Variants in H2AZ2 observed in about 807,000 individuals in gnomAD.
The protein encoded by H2AZ2 is histone H2A.V.
Under a neutral mutation model 15.5 loss-of-function variants are expected in H2AZ2, and 5 were observed. The observed-to-expected ratio is 0.32, with a 90% CI of 0.17 to 0.68. The LOEUF is 0.68. Ranked by LOEUF, H2AZ2 falls within the 30% of genes least tolerant of loss-of-function variation. The probability of loss-of-function intolerance (pLI) is 0.72; values close to 1 mark genes in which losing one functional copy is unlikely to be tolerated. For missense variants in H2AZ2, 42 were observed against 162.5 expected, an observed-to-expected ratio of 0.26 and a Z score of 4.03; for synonymous variants, 44 against 57.4, an observed-to-expected ratio of 0.77 and a Z score of 1.05.
chr7:44,838,207 T>G (rs936168908), intron 3 of H2AZ2, among the ~76,000 whole-genome samples: 3 of 151,668 alleles, frequency 2.0e-5, no homozygotes, highest in Non-Finnish European at 2.9e-5. Flanking sequence ...TCTCTTGACC[T>G]CGTGATCTGC....
At chr7:44,834,783 G>GTT in intron 4 of H2AZ2, 1 of 267,348 alleles carries the variant, frequency 3.7e-6, no homozygotes, top group Non-Finnish European at 6.9e-6. Flanking sequence ...AGTAACCATA[G>GTT]CTTTTTTTTT....
chr7:44,842,183 C>T (rs1484004023), intron 2 of H2AZ2, among the ~76,000 whole-genome samples: 2 of 152,174 alleles, frequency 1.3e-5, no homozygotes, highest in African/African-American at 4.8e-5. Context: ...CCCTCAAAAA[C>T]ATTTCATCTT....
downstream of H2AZ2, chr7:44,830,174 A>G: frequency 1.2e-6 from 2 of 1,613,204 alleles, no homozygotes; most frequent in Non-Finnish European, 1.7e-6. Context: ...CTAACAAGAA[A>G]TAACAGGACA....
At chr7:44,847,834 G>A in intron 1 of H2AZ2, 135 bp downstream of exon 1, 1 of 1,223,576 alleles carries the variant, frequency 8.2e-7, no homozygotes, top group Non-Finnish European at 1.1e-6. Context: ...CCCCCCGGCG[G>A]GCGGCGAGGG....
At chr7:44,828,425 CTT>C (rs1379759020), downstream of H2AZ2, 1 of 152,154 alleles carries the variant, frequency 6.6e-6, no homozygotes, top group African/African-American at 2.4e-5. Context: ...TGTTGGAACT[CTT>C]TGAGCACCAG....
chr7:44,844,999 A>C (rs1793362768), intron 1 of H2AZ2, among the ~76,000 whole-genome samples: 1 of 152,156 alleles, frequency 6.6e-6, no homozygotes, highest in South Asian at 2.1e-4. Flanking sequence ...TTATTTCTTT[A>C]CTGTTAAAAA....
chr7:44,839,505 T>C (rs993424844), intron 3 of H2AZ2, among the ~76,000 whole-genome samples: 6 of 149,512 alleles, frequency 4.0e-5, no homozygotes, highest in African/African-American at 1.5e-4. Flanking sequence ...TGAAACCCCG[T>C]CTCTACTAAA....
chr7:44,843,429 T>A, intron 1 of H2AZ2, 75 bp from the exon 2 acceptor site: 3 of 1,003,554 alleles, frequency 3.0e-6, no homozygotes, highest in Non-Finnish European at 4.6e-6. Context: ...GAAACAGAAT[T>A]TTTTCTAGTT....
At chr7:44,830,040 A>AC, downstream of H2AZ2, 1 of 1,071,640 alleles carries the variant, frequency 9.3e-7, no homozygotes, top group Admixed American at 2.1e-5. Flanking sequence ...TGTTCAGCAC[A>AC]TTCGGGCAGT....
chr7:44,845,491 CTAATATATAACACT>C (rs1332575339), intron 1 of H2AZ2, among the ~76,000 whole-genome samples: 1 of 152,090 alleles, frequency 6.6e-6, no homozygotes, highest in Admixed American at 6.6e-5. Flanking sequence ...TCCATTTGCC[CTAATATATAACACT>C]TAAAAACCTC....
chr7:44,834,487 G>T lies in H2AZ2; in HGVS notation c.*14C>A, dbSNP rs1379891453. The T allele has an allele frequency of 1.2e-6, 2 of 1,608,060 alleles. No individual in the cohort carries two copies. Among genetic ancestry groups the T allele is most frequent in the Admixed American group, 3.3e-5 (2 of 59,834 alleles). ...ACAATGACGGGGAGGAAGAGGGTTG[G>T]TTAAAGCATCCCTCTAAGCAGTTTT... On this transcript the variant is annotated 3_prime_UTR_variant, in exon 5 of 5. Coordinates refer to ENST00000308153, the MANE Select transcript of H2AZ2 (RefSeq NM_012412.5).
rs1172044728 is a variant in H2AZ2, at chr7:44,847,980, C to T, written c.-9G>A. ...CCGGCCGCCCTTACCATGTTCTCGG[C>T]GCCGACTCCGCCTCCGCTCGGCCGC... On this transcript the variant is annotated 5_prime_UTR_variant, in exon 1 of 5. Transcript: ENST00000308153. 6 of 1,443,764 alleles carry T rather than the reference C, an allele frequency of 4.2e-6. No individual in the cohort carries two copies. In the East Asian group the frequency reaches 1.7e-4, roughly 41 times the overall value. The allele number at this position is 1,443,764 out of a possible 1,614,324, so 89.4% of individuals were successfully genotyped here. A position where few individuals can be genotyped will look rare whatever the true frequency, so the allele number is the denominator to read the frequency against.
At chr7:44,828,875 C>A (rs1792962667), downstream of H2AZ2, 1 of 152,190 alleles carries the variant, frequency 6.6e-6, no homozygotes, top group Non-Finnish European at 1.5e-5. Context: ...GAAGGATTCA[C>A]TTCCTTCTCT....
chr7:44,831,145 C>T (rs1330004831), downstream of H2AZ2, among the ~76,000 whole-genome samples: 2 of 151,788 alleles, frequency 1.3e-5, no homozygotes, highest in Admixed American at 6.6e-5. Context: ...CCAGCCTGGG[C>T]GACAGAGTAA....
At chr7:44,828,351 C>T (rs1292852355), downstream of H2AZ2, 1 of 152,098 alleles carries the variant, frequency 6.6e-6, no homozygotes, top group Non-Finnish European at 1.5e-5. Flanking sequence ...CTCACTGAAC[C>T]TCTGGTAATA....
intron 3 of H2AZ2, among the ~76,000 whole-genome samples, chr7:44,839,011 G>A (rs1389250823): frequency 2.0e-5 from 3 of 152,170 alleles, no homozygotes; most frequent in Non-Finnish European, 4.4e-5. Context: ...GATGGGGAAA[G>A]TGGTGGTCTG....
chr7:44,848,012 T>C lies in H2AZ2; in HGVS notation c.-41A>G, dbSNP rs1245450019. 1.6e-5 allele frequency: 20 copies of C among 1,271,970 alleles called. No individual in the cohort carries two copies. The highest frequency in any genetic ancestry group is 2.4e-5 in the South Asian group (1 of 42,444). The allele number at this position is 1,271,970 out of a possible 1,614,324, so 78.8% of individuals were successfully genotyped here. A position where few individuals can be genotyped will look rare whatever the true frequency, so the allele number is the denominator to read the frequency against. On this transcript the variant is annotated 5_prime_UTR_variant, in exon 1 of 5. Transcript: ENST00000308153. ...TCCGCCTCCGCTCGGCCGCGCGCCCTCCCGCTGCCGACCCGCGCCGCCGCC... is the reference window on the plus strand; with the variant it reads ...TCCGCCTCCGCTCGGCCGCGCGCCCCCCCGCTGCCGACCCGCGCCGCCGCC...
At chr7:44,842,711 C>T (rs1413069546) in intron 2 of H2AZ2, among the ~76,000 whole-genome samples, 1 of 152,140 alleles carries the variant, frequency 6.6e-6, no homozygotes, top group Non-Finnish European at 1.5e-5. Flanking sequence ...ACCTAAAATA[C>T]AGAATGTGCA....
intron 3 of H2AZ2, among the ~76,000 whole-genome samples, chr7:44,838,999 G>C (rs1246655882): frequency 6.6e-6 from 1 of 152,184 alleles, no homozygotes; most frequent in Non-Finnish European, 1.5e-5. Flanking sequence ...AGGAGGAATA[G>C]GGATGGGGAA....
Sources: gnomAD v4.1 joint callset for allele counts (sites outside exome capture counted in the v4.1 genomes callset) on GRCh38, gnomAD v4.1.1 for gene constraint, MANE v1.5 for transcripts, NCBI Gene and HGNC (gene_info 2026-07-23, HGNC 2026-07-21) for gene names.